Variants in SCAPER observed in about 807,000 individuals in gnomAD.
SCAPER encodes S phase cyclin A-associated protein in the endoplasmic reticulum.
In SCAPER, 98 loss-of-function variants were observed where a neutral mutation model predicts 182.2. The observed-to-expected ratio is 0.54, with a 90% CI of 0.46 to 0.64. The LOEUF (loss-of-function observed/expected upper bound fraction) is 0.64, where lower values mean the gene tolerates loss of function less well. Ranked by LOEUF, SCAPER falls within the 30% of genes least tolerant of loss-of-function variation. SCAPER has a pLI of 0.00. For missense variants in SCAPER, 1,432 were observed against 1,690.0 expected (o/e 0.85, Z 2.68); for synonymous variants, 605 against 564.6 (o/e 1.07, Z -1.01).
chr15:76,384,769 T>A (rs527870238), intron 27 of SCAPER, among the ~76,000 whole-genome samples: 1 of 152,318 alleles, frequency 6.6e-6, no homozygotes, highest in Non-Finnish European at 1.5e-5. Flanking sequence ...AATGTAGACA[T>A]GAAGGGACCA....
intron 21 of SCAPER, among the ~76,000 whole-genome samples, chr15:76,652,276 ATATAT>A (rs1160835158): frequency 0.12 from 1,184 of 9,778 alleles, 251 homozygotes; most frequent in East Asian, 0.21. Flanking sequence ...AAAAAAAAAT[ATATAT>A]ATATATATAT....
chr15:76,757,003 T>C (rs1365911433), intron 14 of SCAPER, among the ~76,000 whole-genome samples: 1 of 28,176 alleles, frequency 3.5e-5, no homozygotes, highest in Non-Finnish European at 8.0e-5. Context: ...CTTCTGTAAA[T>C]ATAATTAGTG....
intron 25 of SCAPER, among the ~76,000 whole-genome samples, chr15:76,445,368 C>G (rs534056566): frequency 1.6e-4 from 24 of 152,164 alleles, no homozygotes; most frequent in African/African-American, 5.8e-4. Flanking sequence ...TGAGATTTTC[C>G]TGGTTCTTTC....
intron 26 of SCAPER, among the ~76,000 whole-genome samples, chr15:76,425,996 G>A (rs372229826): frequency 5.3e-5 from 8 of 152,198 alleles, no homozygotes; most frequent in East Asian, 3.8e-4. Flanking sequence ...AGAGGTACCC[G>A]GCTGTGTGAG....
intron 1 of SCAPER, among the ~76,000 whole-genome samples, chr15:76,887,548 TG>T (rs1222603206): frequency 2.0e-5 from 3 of 152,188 alleles, no homozygotes; most frequent in African/African-American, 7.2e-5. Flanking sequence ...GCCTTGTCAC[TG>T]CTAGTGTAGC....
rs1452106501 is a variant in SCAPER, at chr15:76,740,044, T to C, written c.1867-6660A>G. 3.9e-5 allele frequency among the ~76,000 whole-genome samples: 6 copies of C among 152,304 alleles called. No homozygotes were observed. The East Asian group carries it at 5.8e-4, about 15-fold the overall frequency. The stretch of plus-strand genomic sequence containing the variant: ...AGTCAAATTTTGTGGCACATGCCTA[T>C]AGTCCCAGCCACTCAAAAGACTGAC... On this transcript the variant is annotated intron_variant, in intron 15 of 31. Coordinates refer to ENST00000563290, the MANE Select transcript of SCAPER (RefSeq NM_020843.4).
At chr15:76,811,760 C>T (rs2151581278) in intron 5 of SCAPER, among the ~76,000 whole-genome samples, 1 of 151,052 alleles carries the variant, frequency 6.6e-6, no homozygotes, top group East Asian at 1.9e-4. Context: ...TGCACTCCAG[C>T]CTGGGCAACA....
intron 25 of SCAPER, among the ~76,000 whole-genome samples, chr15:76,435,635 AG>A (rs1339010397): frequency 6.6e-6 from 1 of 152,212 alleles, no homozygotes; most frequent in African/African-American, 2.4e-5. Context: ...ATTTTGGTGT[AG>A]GGTCTACTCC....
chr15:76,642,361 T>G (rs1021718898), intron 21 of SCAPER, among the ~76,000 whole-genome samples: 1 of 152,210 alleles, frequency 6.6e-6, no homozygotes, highest in Non-Finnish European at 1.5e-5. Context: ...ACATAATATT[T>G]AGCAACTGGG....
intron 5 of SCAPER, among the ~76,000 whole-genome samples, chr15:76,818,563 T>C (rs932010906): frequency 4.0e-5 from 6 of 151,798 alleles, no homozygotes; most frequent in African/African-American, 1.5e-4. Context: ...GACACTGTTA[T>C]CCAAAACATA....
At position 76,381,494 on chromosome 15, in the gene SCAPER, A is replaced by G. The variant is rs770903608; in HGVS notation, c.3589T>C (p.Leu1197=). The G allele has an allele frequency of 6.2e-7, 1 of 1,613,596 alleles. No homozygotes were observed. Among genetic ancestry groups the G allele is most frequent in the African/African-American group, 1.3e-5 (1 of 74,936 alleles). The change falls in exon 28 of 32, where the codon TTG becomes CTG. Residue 1197 remains leucine (L), a synonymous_variant. Transcript: ENST00000563290. ...TTGGGACTGGCAGTGCTGGGGTCCA[A>G]GATGGTGCCATGGAAGAGGACACAG... The part of the protein sequence containing the change: ...LYCVLFHGTI[L]DPSTASPKEN...
chr15:76,846,046 C>T (rs1599060326), intron 4 of SCAPER, among the ~76,000 whole-genome samples: 1 of 152,018 alleles, frequency 6.6e-6, no homozygotes, highest in South Asian at 2.1e-4. Flanking sequence ...AAATCATACA[C>T]CTACAGTGAA....
At chr15:76,464,695 T>A (rs1027613502) in intron 25 of SCAPER, among the ~76,000 whole-genome samples, 1 of 152,194 alleles carries the variant, frequency 6.6e-6, no homozygotes, top group Non-Finnish European at 1.5e-5. Flanking sequence ...TTGTGAATAA[T>A]GCCGAGGTGA....
At chr15:76,841,644 C>T in intron 5 of SCAPER, 90 bp downstream of exon 5, 1 of 1,360,940 alleles carries the variant, frequency 7.3e-7, no homozygotes, top group Non-Finnish European at 1.0e-6. Context: ...AAAACTCCAT[C>T]TCAAAGAAAA....
At chr15:76,770,218 G>C (rs2063383906) in intron 10 of SCAPER, among the ~76,000 whole-genome samples, 1 of 142,474 alleles carries the variant, frequency 7.0e-6, no homozygotes, top group South Asian at 2.2e-4. Context: ...GTGGGGGGCT[G>C]GGGGAGGGAT....
At chr15:76,572,089 A>G (rs998056172) in intron 23 of SCAPER, among the ~76,000 whole-genome samples, 1 of 152,160 alleles carries the variant, frequency 6.6e-6, no homozygotes, top group African/African-American at 2.4e-5. Flanking sequence ...TCTTCCCCAA[A>G]TTATAAGAAA....
In SCAPER at chr15:76,702,960, T is replaced by G. The variant is rs746063820; in HGVS notation, c.2290A>C (p.Arg764=). The part of the protein sequence containing the change: ...IRRHMEQIEQ[R]KEKAAELSSG... ...CTTAGCTCAGCAGCTTTTTCTTTTC[T>G]TTGTTCAATCTGTTCCATGTGCCTT... is the stretch of plus-strand genomic sequence containing the variant. Residue 764 remains arginine (R), a synonymous_variant, in exon 19 of 32, where the codon AGA becomes CGA. Coordinates refer to ENST00000563290, the MANE Select transcript of SCAPER (RefSeq NM_020843.4). 1 of 1,609,168 alleles carries G rather than the reference T, an allele frequency of 6.2e-7. No individual in the cohort carries two copies. The highest frequency in any genetic ancestry group is 8.5e-7 in the Non-Finnish European group (1 of 1,178,326).
intron 21 of SCAPER, among the ~76,000 whole-genome samples, chr15:76,639,769 T>G (rs764823942): frequency 6.7e-6 from 1 of 148,966 alleles, no homozygotes; most frequent in Admixed American, 6.7e-5. Flanking sequence ...ATATATATAC[T>G]ATCTTTATGG....
chr15:76,668,336 A>G (rs2056775998), intron 20 of SCAPER, among the ~76,000 whole-genome samples: 1 of 152,156 alleles, frequency 6.6e-6, no homozygotes, highest in Admixed American at 6.6e-5. Flanking sequence ...TTAAAACAAC[A>G]GTCAAATCAC....
Sources: gnomAD v4.1 joint callset for allele counts (sites outside exome capture counted in the v4.1 genomes callset) on GRCh38, gnomAD v4.1.1 for gene constraint, MANE v1.5 for transcripts, NCBI Gene and HGNC (gene_info 2026-07-23, HGNC 2026-07-21) for gene names.